The following MYO3B variants were observed in gnomAD, a reference collection of about 807,000 sequenced individuals.
The protein encoded by MYO3B is myosin-IIIb.
Under a neutral mutation model 174.6 loss-of-function variants are expected in MYO3B, and 156 were observed. The observed-to-expected ratio is 0.89, with a 90% confidence interval of 0.78 to 1.02. MYO3B has a LOEUF of 1.02. Among genes scored for constraint, MYO3B ranks in the 50% least tolerant of loss-of-function variants. The pLI is 0.00. For missense variants in MYO3B, 1,632 were observed against 1,639.4 expected, an observed-to-expected ratio of 1.00 and a Z score of 0.08; for synonymous variants, 563 against 569.1, an observed-to-expected ratio of 0.99 and a Z score of 0.15.
chr2:170,556,545 G>C (rs1367861916), intron 32 of MYO3B, among the ~76,000 whole-genome samples: 3 of 151,198 alleles, frequency 2.0e-5, no homozygotes, highest in African/African-American at 7.3e-5. Context: ...TTTTGAGACA[G>C]AGTTTAGCTC....
chr2:170,338,450 C>T (rs190763414), intron 8 of MYO3B, among the ~76,000 whole-genome samples: 52 of 152,248 alleles, frequency 3.4e-4, no homozygotes, highest in African/African-American at 1.2e-3. Flanking sequence ...CCTCAGCCCT[C>T]CAATCCTGTT....
Position 170,652,164 on chromosome 2 carries a change from T to C in MYO3B, c.3887+10T>C. On this transcript the variant is annotated intron_variant, in intron 34 of 34. Transcript: ENST00000408978. The stretch of plus-strand genomic sequence containing the variant: ...AGCCAAGAAAACTTGGGTAAATATC[T>C]GTCTTCTTAGTTCTAAGCAACTGTA... 1.2e-6 allele frequency: 2 copies of C among 1,613,624 alleles called. No individual in the cohort carries two copies. Among genetic ancestry groups the C allele is most frequent in the Non-Finnish European group, 1.7e-6 (2 of 1,179,616 alleles).
At chr2:170,196,682 A>T (rs2092604029) in intron 1 of MYO3B, among the ~76,000 whole-genome samples, 1 of 152,206 alleles carries the variant, frequency 6.6e-6, no homozygotes, top group Non-Finnish European at 1.5e-5. Context: ...ATCAGTGAGA[A>T]AATTATGGCA....
intron 28 of MYO3B, among the ~76,000 whole-genome samples, chr2:170,509,904 G>A (rs1687875498): frequency 6.6e-6 from 1 of 152,154 alleles, no homozygotes; most frequent in Admixed American, 6.5e-5. Context: ...ACGGGTGATG[G>A]GCAGCCTAAC....
intron 7 of MYO3B, among the ~76,000 whole-genome samples, chr2:170,297,240 C>T (rs6730856): frequency 0.32 from 47,867 of 151,388 alleles, 7,716 homozygotes; most frequent in South Asian, 0.42. Context: ...AAGATTTTTT[C>T]CCCCCAATAC....
rs143503193 is a variant in MYO3B, at chr2:170,449,513, C to G, written c.2730+5467C>G. On this transcript the variant is annotated intron_variant, in intron 23 of 34. Coordinates refer to ENST00000408978, the MANE Select transcript of MYO3B (RefSeq NM_138995.5). ...GTTTTCTTGGCTGAACACAGTGGCT[C>G]ATGCCTGTAATCCCAGCACTTTGGG... is the stretch of plus-strand genomic sequence containing the variant. 4.3e-3 allele frequency among the ~76,000 whole-genome samples: 652 copies of G among 152,262 alleles called. 4 individuals carry two copies. Among genetic ancestry groups the G allele is most frequent in the African/African-American group, 0.015 (637 of 41,556 alleles).
chr2:170,501,805 C>T lies in MYO3B; in HGVS notation c.3310C>T (p.Arg1104Trp), dbSNP rs371300204. The change falls in exon 28 of 35, where the codon CGG (arginine) becomes TGG (tryptophan). Residue 1104 changes from arginine (R) to tryptophan (W), a missense_variant. By Grantham distance (101) the Arg-to-Trp change is moderately radical. Coordinates refer to ENST00000408978, the MANE Select transcript of MYO3B (RefSeq NM_138995.5). ...TTTAGCCTGGAGAGGATATGATGCT[C>T]GGAGGAAATTTAAGAAAATAAGCAA... is the stretch of plus-strand genomic sequence containing the variant. ...IQSAWRGYDARRKFKKISNRR... is the reference protein window; with the variant it reads ...IQSAWRGYDAWRKFKKISNRR... 2.2e-5 allele frequency: 36 copies of T among 1,611,664 alleles called. No homozygotes were observed. In the African/African-American group the frequency reaches 2.4e-4, roughly 11 times the overall value.
At chr2:170,453,694 C>T (rs777012579) in intron 23 of MYO3B, among the ~76,000 whole-genome samples, 2 of 152,160 alleles carry the variant, frequency 1.3e-5, no homozygotes, top group Non-Finnish European at 2.9e-5. Flanking sequence ...CAAAAGCTTT[C>T]TAGTTTTGCA....
chr2:170,619,204 A>C (rs545396142), intron 32 of MYO3B, among the ~76,000 whole-genome samples: 80 of 152,262 alleles, frequency 5.3e-4, no homozygotes, highest in African/African-American at 1.9e-3. Context: ...CAAGGGTCGC[A>C]TTCCATTCCT....
chr2:170,374,776 C>T (rs183969637), intron 9 of MYO3B, among the ~76,000 whole-genome samples: 24,993 of 151,380 alleles, frequency 0.17, 2,252 homozygotes, highest in Middle Eastern at 0.3. Context: ...CACACACACA[C>T]ACACACACAC....
At chr2:170,535,434 T>C (rs1483350817) in intron 30 of MYO3B, among the ~76,000 whole-genome samples, 1 of 152,188 alleles carries the variant, frequency 6.6e-6, no homozygotes, top group Non-Finnish European at 1.5e-5. Flanking sequence ...CCTCCAGATA[T>C]CATTGGGCTT....
At chr2:170,359,154 A>C (rs1199704661) in intron 8 of MYO3B, among the ~76,000 whole-genome samples, 1 of 152,208 alleles carries the variant, frequency 6.6e-6, no homozygotes, top group African/African-American at 2.4e-5. Context: ...GGCAACTTAA[A>C]GGCCTTTAGG....
chr2:170,486,208 T>C (rs897709681), intron 25 of MYO3B, among the ~76,000 whole-genome samples: 1 of 152,164 alleles, frequency 6.6e-6, no homozygotes, highest in Admixed American at 6.5e-5. Flanking sequence ...TCCAACTTAT[T>C]ATCCAAACAT....
chr2:170,543,547 T>A (rs146064985), intron 31 of MYO3B, among the ~76,000 whole-genome samples: 35 of 152,360 alleles, frequency 2.3e-4, no homozygotes, highest in African/African-American at 7.7e-4. Flanking sequence ...TCCTATAGGT[T>A]TTCTTTTTTC....
chr2:170,652,234 C>G, intron 34 of MYO3B, 80 bp downstream of exon 34: 1 of 1,274,022 alleles, frequency 7.8e-7, no homozygotes, highest in Middle Eastern at 1.9e-4. Flanking sequence ...GCAAAACTTT[C>G]CAGAGAGGCT....
chr2:170,638,034 G>A (rs1159096681), intron 32 of MYO3B, among the ~76,000 whole-genome samples: 1 of 151,806 alleles, frequency 6.6e-6, no homozygotes, highest in Non-Finnish European at 1.5e-5. Flanking sequence ...TTATATTTGT[G>A]ATTTTATTTT....
chr2:170,337,550 A>G (rs1047113057), intron 8 of MYO3B, among the ~76,000 whole-genome samples: 4 of 152,214 alleles, frequency 2.6e-5, no homozygotes, highest in African/African-American at 7.2e-5. Context: ...GAATAAAGGT[A>G]TATAATTGAT....
At chr2:170,207,093 A>C (rs1196230951) in intron 3 of MYO3B, among the ~76,000 whole-genome samples, 1 of 152,128 alleles carries the variant, frequency 6.6e-6, no homozygotes, top group African/African-American at 2.4e-5. Flanking sequence ...CCTTGTTATC[A>C]AGAGGTCTCC....
chr2:170,316,948 C>T (rs566981250), intron 7 of MYO3B, among the ~76,000 whole-genome samples: 16 of 152,322 alleles, frequency 1.1e-4, no homozygotes, highest in Admixed American at 7.8e-4. Context: ...CCTGCATTGA[C>T]TCTCACTTTG....
Sources: allele counts gnomAD v4.1 joint callset (sites outside exome capture counted in the v4.1 genomes callset), GRCh38; gene constraint gnomAD v4.1.1; transcripts MANE v1.5; gene names NCBI Gene and HGNC (gene_info 2026-07-23, HGNC 2026-07-21).